The following CS variants were observed in gnomAD, a reference collection of about 807,000 sequenced individuals.
CS encodes the protein citrate synthase.
A neutral mutation model predicts 61.4 loss-of-function variants in CS; 13 were observed. That is an observed-to-expected ratio of 0.21 (90% CI 0.14 to 0.34). The LOEUF (loss-of-function observed/expected upper bound fraction) is 0.34. Among genes scored for constraint, CS ranks in the 10% least tolerant of loss-of-function variants. The pLI is 1.00. For missense variants in CS, 278 were observed against 573.4 expected (o/e 0.48, Z 5.26); for synonymous variants, 159 against 215.2 (o/e 0.74, Z 2.29).
intron 9 of CS, 90 bp from the exon 10 acceptor site, chr12:56,273,886 T>C: frequency 9.0e-7 from 1 of 1,110,238 alleles, no homozygotes; most frequent in Non-Finnish European, 1.4e-6. Context: ...CAGGCTGGAG[T>C]GCAGTGGCAT....
chr12:56,289,751 T>C (rs1873057898), intron 1 of CS, among the ~76,000 whole-genome samples: 1 of 151,868 alleles, frequency 6.6e-6, no homozygotes, highest in African/African-American at 2.4e-5. Context: ...CAGCTAATTT[T>C]ATCTTTTAAA....
chr12:56,276,738 TC>T (rs992270988), intron 6 of CS, among the ~76,000 whole-genome samples: 12 of 152,116 alleles, frequency 7.9e-5, no homozygotes, highest in South Asian at 2.1e-4. Flanking sequence ...ACGGGGTTTC[TC>T]CATGTTGGTT....
At chr12:56,276,919 G>A (rs1446500540) in intron 6 of CS, among the ~76,000 whole-genome samples, 1 of 152,136 alleles carries the variant, frequency 6.6e-6, no homozygotes, top group Non-Finnish European at 1.5e-5. Flanking sequence ...AGGTTTTACA[G>A]CCAGACACGG....
At chr12:56,288,408 G>C (rs1272456107) in intron 1 of CS, among the ~76,000 whole-genome samples, 2 of 144,304 alleles carry the variant, frequency 1.4e-5, no homozygotes, top group Non-Finnish European at 3.0e-5. Flanking sequence ...CTGAAGTGCA[G>C]TGGCGTGATC....
At chr12:56,285,616 T>A (rs1219571225) in intron 3 of CS, among the ~76,000 whole-genome samples, 1 of 152,140 alleles carries the variant, frequency 6.6e-6, no homozygotes. Context: ...TGTATTTCAC[T>A]TTTTTTCTCC....
chr12:56,283,216 C>A (rs939335122), intron 4 of CS, among the ~76,000 whole-genome samples: 2 of 152,192 alleles, frequency 1.3e-5, no homozygotes, highest in African/African-American at 4.8e-5. Context: ...CAGGGGCAAG[C>A]CATCATGCCT....
intron 9 of CS, chr12:56,274,494 C>A (rs865995827): frequency 3.5e-6 from 1 of 285,008 alleles, no homozygotes; most frequent in South Asian, 6.7e-5. Flanking sequence ...GCTGTGTTGT[C>A]CTGGCTGGAG....
At chr12:56,284,726 C>T (rs1045652843) in intron 3 of CS, among the ~76,000 whole-genome samples, 9 of 150,604 alleles carry the variant, frequency 6.0e-5, no homozygotes, top group Non-Finnish European at 1.3e-4. Flanking sequence ...TGGTGAAACC[C>T]TGTCTCTACT....
At chr12:56,280,546 G>A (rs984898325) in intron 6 of CS, among the ~76,000 whole-genome samples, 1 of 151,842 alleles carries the variant, frequency 6.6e-6, no homozygotes, top group Non-Finnish European at 1.5e-5. Flanking sequence ...AGGATCACTT[G>A]AGTCCAGGAG....
At chr12:56,282,323 G>A in intron 6 of CS, 97 bp downstream of exon 6, 1 of 1,001,512 alleles carries the variant, frequency 1.0e-6, no homozygotes, top group East Asian at 2.8e-5. Context: ...TTAACTCAGA[G>A]GTAATTTTTC....
chr12:56,286,530 C>T, intron 2 of CS, 65 bp downstream of exon 2: 4 of 1,491,956 alleles, frequency 2.7e-6, no homozygotes, highest in Non-Finnish European at 2.8e-6. Flanking sequence ...GTTGCCAAAT[C>T]CTCTGCCCCA....
intron 3 of CS, among the ~76,000 whole-genome samples, chr12:56,284,158 T>G (rs983262083): frequency 6.6e-6 from 1 of 151,452 alleles, no homozygotes; most frequent in African/African-American, 2.4e-5. Flanking sequence ...ATGTCTCTAC[T>G]AAAAATTAAA....
intron 7 of CS, chr12:56,275,338 G>T: frequency 1.9e-6 from 1 of 539,012 alleles, no homozygotes; most frequent in Non-Finnish European, 3.3e-6. Flanking sequence ...ACTTTGGGAG[G>T]CCAAGGCGGG....
chr12:56,291,366 A>C (rs552629751), intron 1 of CS: 2 of 704,164 alleles, frequency 2.8e-6, no homozygotes, highest in South Asian at 9.6e-5. Context: ...TTTTTTTTTT[A>C]ACAGGCATCA....
chr12:56,289,258 A>AAACATGTT (rs2135921683), intron 1 of CS, among the ~76,000 whole-genome samples: 1 of 152,294 alleles, frequency 6.6e-6, no homozygotes, highest in East Asian at 1.9e-4. Flanking sequence ...TGGGCAAAGA[A>AAACATGTT]AACATGTTAA....
intron 1 of CS, among the ~76,000 whole-genome samples, chr12:56,299,431 T>C (rs1049588773): frequency 3.3e-5 from 5 of 152,234 alleles, no homozygotes; most frequent in Admixed American, 6.5e-5. Flanking sequence ...CATGTGACCT[T>C]GGCATTAGTA....
chr12:56,291,377 A>T, intron 1 of CS: 1 of 662,978 alleles, frequency 1.5e-6, no homozygotes, highest in Non-Finnish European at 1.9e-6. Context: ...ACAGGCATCA[A>T]GGAAAAGATA....
chr12:56,275,439 G>A, intron 7 of CS: 1 of 314,380 alleles, frequency 3.2e-6, no homozygotes, highest in South Asian at 3.0e-5. Flanking sequence ...TGGGCATGGT[G>A]GCACACATCT....
chr12:56,287,863 G>A (rs1872991653), intron 1 of CS, among the ~76,000 whole-genome samples: 1 of 151,896 alleles, frequency 6.6e-6, no homozygotes, highest in Non-Finnish European at 1.5e-5. Context: ...TCACCATGTT[G>A]GCCACGCTGG....
Sources: allele counts gnomAD v4.1 joint callset (sites outside exome capture counted in the v4.1 genomes callset), GRCh38; gene constraint gnomAD v4.1.1; transcripts MANE v1.5; gene names NCBI Gene and HGNC (gene_info 2026-07-23, HGNC 2026-07-21).